Variants in NID1 observed in about 807,000 individuals in gnomAD.
The protein encoded by NID1 is nidogen-1.
In NID1, 76 loss-of-function variants were observed where a neutral mutation model predicts 130.6. The ratio of observed to expected loss-of-function variants is 0.58; its 90% CI spans 0.48 to 0.70. NID1 has a LOEUF of 0.70. NID1 is among the 30% of genes least tolerant of loss of function. NID1 has a pLI of 0.00. For missense variants in NID1, 1,517 were observed against 1,664.8 expected (o/e 0.91, Z 1.54); for synonymous variants, 665 against 675.1 (o/e 0.98, Z 0.23).
In NID1 at chr1:236,029,815, C is replaced by A. The variant is rs933798513; in HGVS notation, c.1538-65G>T. On this transcript the variant is annotated intron_variant, in intron 6 of 19. Transcript: ENST00000264187. ...AGCGCGCCCTTCTGCCCGCCCCAGG[C>A]TCACAGTGTGGAGTGGGGTTGGTGC... The A allele has an allele frequency of 7.8e-6, 12 of 1,534,672 alleles. 1 individual carries two copies. Among genetic ancestry groups the A allele is most frequent in the Non-Finnish European group, 8.1e-6 (9 of 1,114,754 alleles).
chr1:236,036,487 T>A (rs4660149), intron 5 of NID1, among the ~76,000 whole-genome samples: 68,795 of 152,064 alleles, frequency 0.45, 17,874 homozygotes, highest in African/African-American at 0.72. Context: ...ATTTAGTCAA[T>A]TTTTGCAAAG....
At chr1:235,980,012 A>G in intron 17 of NID1, 67 bp from the exon 18 acceptor site, 3 of 1,443,658 alleles carry the variant, frequency 2.1e-6, no homozygotes, top group Non-Finnish European at 2.9e-6. Context: ...CAAAAAAAAC[A>G]AGAGTAATGA....
Position 235,980,557 on chromosome 1 carries a change from C to T in NID1, c.3324G>A (p.Leu1108=). 6.2e-7 allele frequency: 1 copy of T among 1,614,188 alleles called. No individual in the cohort carries two copies. ...TNRRILVQDD[L]GLPNGLTFDA... is the part of the protein sequence containing the mutation. ...CGAAGGTCAGTCCATTGGGCAAGCCCAGGTCATCCTGCACAAGGATCCTCC... is the reference window on the plus strand; with the variant it reads ...CGAAGGTCAGTCCATTGGGCAAGCCTAGGTCATCCTGCACAAGGATCCTCC... Residue 1108 remains leucine, a synonymous_variant, in exon 17 of 20, where the codon CTG becomes CTA. Transcript: ENST00000264187.
At position 236,027,668 on chromosome 1, in the gene NID1, A is replaced by C. The variant is rs138605088; in HGVS notation, c.1739-1527T>G. Among the ~76,000 whole-genome samples the C allele has an allele frequency of 2.4e-3, 368 of 152,290 alleles. 4 individuals are homozygous for C. Among genetic ancestry groups the C allele is most frequent in the Admixed American group, 0.021 (328 of 15,298 alleles). On this transcript the variant is annotated intron_variant, in intron 7 of 19. Transcript: ENST00000264187. ...ACATGGAGAAACCCTGTCTCTACTA[A>C]AAATACAAAAGTTAGCCATGCCTGG...
chr1:236,029,635 C>A lies in NID1; in HGVS notation c.1653G>T (p.Glu551Asp). 1 of 1,612,128 alleles carries A rather than the reference C, an allele frequency of 6.2e-7. No individual in the cohort carries two copies. The highest frequency in any genetic ancestry group is 8.5e-7 in the Non-Finnish European group (1 of 1,179,280). ...DEHGHLTIDTELEGRVPQIPF... is the reference protein window; with the variant it reads ...DEHGHLTIDTDLEGRVPQIPF... ...GAATCTGCGGCACGCGGCCCTCCAG[C>A]TCCGTGTCGATGGTCAGGTGCCCAT... The change falls in exon 7 of 20, where the codon GAG becomes GAT. Residue 551 changes from glutamate (E) to aspartate (D), a missense_variant. Coordinates refer to ENST00000264187, the MANE Select transcript of NID1 (RefSeq NM_002508.3).
At chr1:236,012,323 G>C (rs966959260) in intron 11 of NID1, among the ~76,000 whole-genome samples, 1 of 152,158 alleles carries the variant, frequency 6.6e-6, no homozygotes, top group Non-Finnish European at 1.5e-5. Context: ...TTGGGAGGCC[G>C]AGGCAGGCAG....
At chr1:236,045,364 A>C in intron 3 of NID1, 93 bp downstream of exon 3, 2 of 863,554 alleles carry the variant, frequency 2.3e-6, no homozygotes, top group Non-Finnish European at 1.8e-6. Flanking sequence ...AATCCATAGG[A>C]ACATTTTTAG....
intron 12 of NID1, among the ~76,000 whole-genome samples, 166 bp downstream of exon 12, chr1:236,011,755 C>T (rs528254287): frequency 6.2e-5 from 9 of 144,114 alleles, no homozygotes; most frequent in East Asian, 1.9e-4. Flanking sequence ...AGGCAATGGG[C>T]CATGTGCTCT....
At chr1:236,056,305 G>A (rs1659897480) in intron 1 of NID1, among the ~76,000 whole-genome samples, 2 of 152,092 alleles carry the variant, frequency 1.3e-5, no homozygotes, top group African/African-American at 2.4e-5. Context: ...CTCCTTCACT[G>A]TCTTTTTGTG....
rs985296604 is a variant in NID1, at chr1:236,043,954, A to T, written c.752+1503T>A. The stretch of plus-strand genomic sequence containing the variant: ...TTTTATAACTATAAAATATAGTAGA[A>T]TATCCCTAATCTCTACTTCTTCCTC... On this transcript the variant is annotated intron_variant, in intron 3 of 19. Transcript: ENST00000264187. Among the ~76,000 whole-genome samples the T allele has an allele frequency of 2.0e-5, 3 of 152,332 alleles. No homozygotes were observed. The East Asian group carries it at 5.8e-4, about 29-fold the overall frequency.
intron 1 of NID1, among the ~76,000 whole-genome samples, chr1:236,056,495 T>C (rs889734820): frequency 2.6e-5 from 4 of 152,228 alleles, no homozygotes; most frequent in African/African-American, 9.6e-5. Context: ...TTGGGAACAT[T>C]TCAAATCTTC....
intron 1 of NID1, among the ~76,000 whole-genome samples, chr1:236,060,098 CAAAAA>C (rs773686621): frequency 1.4e-3 from 69 of 50,996 alleles, no homozygotes; most frequent in South Asian, 1.4e-3. Context: ...GACTCAGTCT[CAAAAA>C]AAAAAAAAAA....
intron 12 of NID1, among the ~76,000 whole-genome samples, chr1:236,000,887 G>A (rs1658055442): frequency 6.6e-6 from 1 of 152,134 alleles, no homozygotes; most frequent in African/African-American, 2.4e-5. Flanking sequence ...GGAAAGAGAC[G>A]ACATGCAACC....
intron 14 of NID1, among the ~76,000 whole-genome samples, chr1:235,990,379 C>A (rs553498107): frequency 1.3e-5 from 2 of 152,264 alleles, no homozygotes; most frequent in Admixed American, 1.3e-4. Context: ...TGATCTCAGA[C>A]CCTCCCCTCT....
intron 10 of NID1, among the ~76,000 whole-genome samples, chr1:236,016,269 G>A (rs1658591289): frequency 6.6e-6 from 1 of 152,112 alleles, no homozygotes. Flanking sequence ...AGAACTGCCT[G>A]TTCCCTCCCA....
At position 236,003,451 on chromosome 1, in the gene NID1, C is replaced by T. The variant is rs73115213; in HGVS notation, c.2527+8470G>A. ...TCTTCATGCATTCAATGGGGCTAATCGTACCAGCAGTGACGTGCACCAGCC... is the reference window on the plus strand; with the variant it reads ...TCTTCATGCATTCAATGGGGCTAATTGTACCAGCAGTGACGTGCACCAGCC... On this transcript the variant is annotated intron_variant, in intron 12 of 19. Coordinates refer to ENST00000264187, the MANE Select transcript of NID1 (RefSeq NM_002508.3). Among the ~76,000 whole-genome samples the T allele has an allele frequency of 9.3e-3, 1,420 of 152,290 alleles. 19 individuals carry two copies. Among genetic ancestry groups the T allele is most frequent in the African/African-American group, 0.031 (1,277 of 41,546 alleles).
chr1:235,985,754 G>GTGTA lies in NID1; in HGVS notation c.2929-250_2929-249insTACA, dbSNP rs1553341470. On this transcript the variant is annotated intron_variant, in intron 14 of 19. Coordinates refer to ENST00000264187, the MANE Select transcript of NID1 (RefSeq NM_002508.3). ...TGTGTGTGTGTGTGTGTGTGTGTGT[G>GTGTA]TATATATATGCATAAATATGTATTT... Among the ~76,000 whole-genome samples the GTGTA allele has an allele frequency of 4.4e-3, 652 of 149,358 alleles. 2 individuals are homozygous for GTGTA. Among genetic ancestry groups the GTGTA allele is most frequent in the Middle Eastern group, 0.014 (4 of 292 alleles).
rs1659471519 is a variant in NID1 at position 236,042,160 on chromosome 1, A to G, written c.885T>C (p.Asp295=). Residue 295 remains aspartate, a synonymous_variant, in exon 4 of 20, where the codon GAT becomes GAC. Transcript: ENST00000264187. ...DGAEYDDEDE[D]YDLATTRLGL... ...CCAGACGAGTGGTCGCCAGGTCATA[A>G]TCTTCATCCTCATCATCATACTCTG... 1 of 1,613,952 alleles carries G rather than the reference A, an allele frequency of 6.2e-7. No individual in the cohort carries two copies. The highest frequency in any genetic ancestry group is 1.3e-5 in the African/African-American group (1 of 74,882).
At chr1:236,003,104 A>AGTGGTAGTTGT (rs1558428601) in intron 12 of NID1, among the ~76,000 whole-genome samples, 23 of 148,404 alleles carry the variant, frequency 1.5e-4, no homozygotes, top group African/African-American at 3.0e-4. Flanking sequence ...CTAGTGAACG[A>AGTGGTAGTTGT]CTGGTAGTTG....
Sources: gnomAD v4.1 joint callset for allele counts (sites outside exome capture counted in the v4.1 genomes callset) on GRCh38, gnomAD v4.1.1 for gene constraint, MANE v1.5 for transcripts, NCBI Gene and HGNC (gene_info 2026-07-23, HGNC 2026-07-21) for gene names.